The following DAPK1 variants were observed in gnomAD, a reference collection of about 807,000 sequenced individuals.
The protein encoded by DAPK1 is death-associated protein kinase 1.
A neutral mutation model predicts 144.9 loss-of-function variants in DAPK1; 56 were observed. The ratio of observed to expected loss-of-function variants is 0.39; its 90% CI spans 0.31 to 0.48. The LOEUF (loss-of-function observed/expected upper bound fraction) is 0.48, where lower values mean the gene tolerates loss of function less well. Ranked by LOEUF, DAPK1 falls within the 20% of genes least tolerant of loss-of-function variation. The pLI is 0.95. For synonymous variants in DAPK1, 690 were observed against 749.0 expected, an observed-to-expected ratio of 0.92 and a Z score of 1.29; for missense variants, 1,454 against 1,875.4, an observed-to-expected ratio of 0.78 and a Z score of 4.15.
intron 3 of DAPK1, among the ~76,000 whole-genome samples, chr9:87,625,927 C>G (rs1189583314): frequency 6.6e-6 from 1 of 151,972 alleles, no homozygotes; most frequent in African/African-American, 2.4e-5. Flanking sequence ...TAAGGAGTAC[C>G]CATCAGTCAA....
At position 87,572,840 on chromosome 9, in the gene DAPK1, T is replaced by A. The variant is rs1406625746; in HGVS notation, c.63-32114T>A. Among the ~76,000 whole-genome samples, 5 of 152,140 alleles carry A rather than the reference T, an allele frequency of 3.3e-5. No individual in the cohort carries two copies. In the South Asian group the frequency reaches 1.0e-3, roughly 31 times the overall value. ...TGCAAGAACAGCCTAACACTGTAGG[T>A]CTAGGTGGGGACTGAGATTCTGCAT... On this transcript the variant is annotated intron_variant, in intron 2 of 25. Coordinates refer to ENST00000408954, the MANE Select transcript of DAPK1 (RefSeq NM_004938.4).
chr9:87,566,020 CTT>C (rs11354174), intron 2 of DAPK1, among the ~76,000 whole-genome samples: 21,431 of 120,626 alleles, frequency 0.18, 1,534 homozygotes, highest in Admixed American at 0.2. Context: ...TCTCAGCATT[CTT>C]TTTTTTTTTT....
At chr9:87,633,516 G>T in intron 3 of DAPK1, 1 of 283,912 alleles carries the variant, frequency 3.5e-6, no homozygotes, top group Non-Finnish European at 5.3e-6. Context: ...GTTGAGATTT[G>T]AACAGGGACT....
intron 2 of DAPK1, among the ~76,000 whole-genome samples, chr9:87,571,462 CACACACACACA>C (rs1564000712): frequency 7.6e-5 from 5 of 65,446 alleles, no homozygotes; most frequent in African/African-American, 3.9e-4. Flanking sequence ...CACACACACA[CACACACACACA>C]CCAACACACA....
At chr9:87,659,927 A>C (rs1587820613) in intron 18 of DAPK1, among the ~76,000 whole-genome samples, 1 of 152,236 alleles carries the variant, frequency 6.6e-6, no homozygotes, top group East Asian at 1.9e-4. Context: ...GAAATGGGAG[A>C]GGGATGCTGA....
chr9:87,693,216 T>C (rs768523511), intron 21 of DAPK1, among the ~76,000 whole-genome samples: 3 of 151,820 alleles, frequency 2.0e-5, no homozygotes, highest in Non-Finnish European at 2.9e-5. Context: ...AAAACTTGAA[T>C]ATTTGATTGC....
intron 2 of DAPK1, among the ~76,000 whole-genome samples, chr9:87,531,219 G>A (rs1395893203): frequency 6.6e-6 from 1 of 152,156 alleles, no homozygotes; most frequent in Non-Finnish European, 1.5e-5. Context: ...TAGCTTGTGC[G>A]TGAGTCCCCT....
Position 87,537,129 on chromosome 9 carries a change from G to A in DAPK1, c.62+37990G>A, listed in dbSNP as rs377414252. On this transcript the variant is annotated intron_variant, in intron 2 of 25. Transcript: ENST00000408954. Reference sequence around the variant, plus strand: ...AGCCTCCCAAGTAGCTGGGATTACAGGCGCCTGCCACCACGCCTGGCTAAT... The same window carrying A: ...AGCCTCCCAAGTAGCTGGGATTACAAGCGCCTGCCACCACGCCTGGCTAAT... 2.5e-3 allele frequency among the ~76,000 whole-genome samples: 388 copies of A among 152,208 alleles called. 3 individuals are homozygous for A. The highest frequency in any genetic ancestry group is 8.9e-3 in the African/African-American group (368 of 41,538).
At position 87,600,898 on chromosome 9, in the gene DAPK1, T is replaced by C. The variant is rs929791773; in HGVS notation, c.63-4056T>C. Among the ~76,000 whole-genome samples, 35 of 152,218 alleles carry C rather than the reference T, an allele frequency of 2.3e-4. 1 individual carries two copies. Among genetic ancestry groups the C allele is most frequent in the African/African-American group, 8.4e-4 (35 of 41,456 alleles). On this transcript the variant is annotated intron_variant, in intron 2 of 25. Transcript: ENST00000408954. Reference sequence around the variant, plus strand: ...TTGTGGCAGTGGCCTTGCTGCTTTATGTGCATTCGCTTTGCTCCCTGGTCT... The same window carrying C: ...TTGTGGCAGTGGCCTTGCTGCTTTACGTGCATTCGCTTTGCTCCCTGGTCT...
In DAPK1 at chr9:87,621,347, C is replaced by T. The variant is rs36209078; in HGVS notation, c.284+16172C>T. ...CTACACACCCACATCCCGTTTACAG[C>T]GACCCGGTTGTCAGGCTCGGCCATT... On this transcript the variant is annotated intron_variant, in intron 3 of 25. Transcript: ENST00000408954. 7.7e-3 allele frequency among the ~76,000 whole-genome samples: 1,166 copies of T among 152,304 alleles called. 10 individuals carry two copies. Among genetic ancestry groups the T allele is most frequent in the African/African-American group, 0.025 (1,038 of 41,562 alleles).
At chr9:87,651,141 A>G (rs36214020) in intron 16 of DAPK1, among the ~76,000 whole-genome samples, 1 of 152,374 alleles carries the variant, frequency 6.6e-6, no homozygotes, top group African/African-American at 2.4e-5. Flanking sequence ...GCAAGGTAAA[A>G]TAATAGGCTC....
chr9:87,632,362 A>G (rs1182361257), intron 3 of DAPK1: 5 of 984,628 alleles, frequency 5.1e-6, no homozygotes, highest in Non-Finnish European at 6.0e-6. Context: ...GTAGGGATGA[A>G]GGAGGATGAG....
chr9:87,515,886 G>C (rs2118165257), intron 2 of DAPK1, among the ~76,000 whole-genome samples: 1 of 152,176 alleles, frequency 6.6e-6, no homozygotes, highest in Admixed American at 6.5e-5. Flanking sequence ...CACTCCTAAT[G>C]ACCCTTTCCT....
chr9:87,623,540 TC>T (rs1380909690), intron 3 of DAPK1, among the ~76,000 whole-genome samples: 2 of 152,066 alleles, frequency 1.3e-5, no homozygotes, highest in African/African-American at 4.8e-5. Flanking sequence ...CGACAGTCCG[TC>T]CCCATCATCA....
chr9:87,566,947 A>C (rs1039972232), intron 2 of DAPK1, among the ~76,000 whole-genome samples: 2 of 152,198 alleles, frequency 1.3e-5, no homozygotes, highest in Non-Finnish European at 2.9e-5. Flanking sequence ...TGATAACTAT[A>C]CATTCGGGTG....
chr9:87,590,369 C>CAAAAAAAAAAA (rs200588801), intron 2 of DAPK1, among the ~76,000 whole-genome samples: 2 of 85,730 alleles, frequency 2.3e-5, no homozygotes, highest in African/African-American at 4.0e-5. Flanking sequence ...TCATTGGCCT[C>CAAAAAAAAAAA]AAAAAAAAAA....
At chr9:87,592,016 C>CATT (rs1363575525) in intron 2 of DAPK1, among the ~76,000 whole-genome samples, 4 of 152,180 alleles carry the variant, frequency 2.6e-5, no homozygotes, top group Non-Finnish European at 5.9e-5. Context: ...GCTCCAGGGC[C>CATT]ATTGCCACCA....
rs1209652455 is a variant in DAPK1, at chr9:87,646,467, A to G, written c.1138A>G (p.Thr380Ala). The stretch of plus-strand genomic sequence containing the variant: ...TTTTTCTTGCCTATTCTAGCACGGG[A>G]CACCTCCATTACTCATTGCTGCTGG... The part of the protein sequence containing the change: ...YDVNQPNKHG[T>A]PPLLIAAGCG... Residue 380 changes from threonine to alanine, a missense_variant, in exon 13 of 26, where the codon ACA becomes GCA. By Grantham distance (58) the Thr-to-Ala change is moderately conservative (BLOSUM62 0). This residue lies in a region of DAPK1 where 429 missense variants were observed against 637.5 expected (regional missense o/e 0.67). Coordinates refer to ENST00000408954, the MANE Select transcript of DAPK1 (RefSeq NM_004938.4). 3.7e-6 allele frequency: 6 copies of G among 1,612,454 alleles called. No individual in the cohort carries two copies. The highest frequency in any genetic ancestry group is 5.1e-6 in the Non-Finnish European group (6 of 1,178,862).
At chr9:87,512,653 C>CT (rs914082817) in intron 2 of DAPK1, among the ~76,000 whole-genome samples, 1 of 152,028 alleles carries the variant, frequency 6.6e-6, no homozygotes. Flanking sequence ...AGGCTGCTTT[C>CT]TTTTTTTTGA....
Sources: gnomAD v4.1 joint callset for allele counts (sites outside exome capture counted in the v4.1 genomes callset) on GRCh38, gnomAD v4.1.1 for gene constraint, gnomAD v4.1.1 regional missense constraint, MANE v1.5 for transcripts, NCBI Gene and HGNC (gene_info 2026-07-23, HGNC 2026-07-21) for gene names.